The following SCRIB variants were observed in gnomAD, a reference collection of about 807,000 sequenced individuals.
SCRIB encodes protein scribble homolog.
In SCRIB, 72 loss-of-function variants were observed where a neutral mutation model predicts 170.0. That is an observed-to-expected ratio of 0.42 (90% CI 0.35 to 0.52). The LOEUF is 0.52. SCRIB is among the 20% of genes least tolerant of loss of function. The pLI, the probability that SCRIB is intolerant of heterozygous loss-of-function variation, is 0.02. For synonymous variants in SCRIB, 1,298 were observed against 1,044.3 expected, an observed-to-expected ratio of 1.24 and a Z score of -4.68; for missense variants, 2,475 against 2,338.5, an observed-to-expected ratio of 1.06 and a Z score of -1.20.
At chr8:143,805,653 C>T (rs1363471938) in intron 18 of SCRIB, among the ~76,000 whole-genome samples, 2 of 152,202 alleles carry the variant, frequency 1.3e-5, no homozygotes, top group African/African-American at 2.4e-5. Flanking sequence ...GTGTGGGAAG[C>T]CCTAGGGCCA....
intron 9 of SCRIB, among the ~76,000 whole-genome samples, 161 bp downstream of exon 9, chr8:143,812,105 C>T (rs566354958): frequency 1.8e-4 from 27 of 152,290 alleles, no homozygotes; most frequent in South Asian, 6.2e-4. Flanking sequence ...GCCTCACCTC[C>T]GGCCAGCATG....
chr8:143,795,588 G>C, intron 24 of SCRIB, 58 bp from the exon 25 acceptor site: 1 of 1,394,872 alleles, frequency 7.2e-7, no homozygotes, highest in Non-Finnish European at 1.0e-6. Flanking sequence ...CCCACCTCTG[G>C]GGCAGGCTGG....
At chr8:143,812,176 AC>A (rs923836034) in intron 9 of SCRIB, 89 bp downstream of exon 9, 23 of 872,012 alleles carry the variant, frequency 2.6e-5, no homozygotes, top group African/African-American at 2.0e-4. Flanking sequence ...TGCCACCAGC[AC>A]CCCCCAGCAG....
In SCRIB at chr8:143,815,578, C is replaced by A. The variant is rs944316801; in HGVS notation, c.-206G>T. 4.1e-6 allele frequency: 4 copies of A among 981,492 alleles called. No homozygotes were observed. Among genetic ancestry groups the A allele is most frequent in the African/African-American group, 1.8e-5 (1 of 56,704 alleles). The allele number at this position is 981,492 out of a possible 1,614,324, so 60.8% of individuals were successfully genotyped here. On this transcript the variant is annotated 5_prime_UTR_variant, in exon 1 of 37. Coordinates refer to ENST00000356994, the MANE Select transcript of SCRIB (RefSeq NM_182706.5). Reference sequence around the variant, plus strand: ...TCGGACTGCGGGCCTGGGCAGGGGGCGCGGCCCGGCGGGTCTCAGACTCTT... The same window carrying A: ...TCGGACTGCGGGCCTGGGCAGGGGGAGCGGCCCGGCGGGTCTCAGACTCTT...
At position 143,810,716 on chromosome 8, in the gene SCRIB, C is replaced by G; in HGVS notation, c.1374G>C (p.Glu458Asp). 2 of 1,606,850 alleles carry G rather than the reference C, an allele frequency of 1.2e-6. No homozygotes were observed. The highest frequency in any genetic ancestry group is 1.1e-5 in the South Asian group (1 of 90,814). ...TCTCAGCTGCAGCTTCCTCAGCGTC[C>G]TCATCACCTATGGGGGCCTCCAGGA... ...IQFLEAPIGDEDAEEAAAEKR... is the reference protein window; with the variant it reads ...IQFLEAPIGDDDAEEAAAEKR... The change falls in exon 12 of 37, where the codon GAG (glutamate) becomes GAC (aspartate). Residue 458 changes from glutamate (E) to aspartate (D), a missense_variant. Glu to Asp is a conservative substitution (Grantham distance 45). Around this residue, in one of 3 missense-constraint regions of SCRIB, gnomAD observed 1,966 missense variants for 1,742.9 expected, o/e 1.13. Coordinates refer to ENST00000356994, the MANE Select transcript of SCRIB (RefSeq NM_182706.5).
chr8:143,803,560 C>T lies in SCRIB; in HGVS notation c.3426G>A (p.Thr1142=), dbSNP rs782309851. The T allele has an allele frequency of 1.2e-4, 165 of 1,358,296 alleles. No homozygotes were observed. The highest frequency in any genetic ancestry group is 4.2e-4 in the East Asian group (9 of 21,636). 84.1% of individuals were successfully genotyped at this position (1,358,296 alleles called of 1,614,324 possible). Residue 1142 remains threonine, a synonymous_variant, in exon 24 of 37, where the codon ACG becomes ACA. Transcript: ENST00000356994. ...GCCGACCGTCGCGCCCGGCTGCCCCCGTGGGGCTCACCTGTGGGGAGACGT... is the reference window on the plus strand; with the variant it reads ...GCCGACCGTCGCGCCCGGCTGCCCCTGTGGGGCTCACCTGTGGGGAGACGT... ...EGIFISKVSP[T]GAAGRDGRLR...
chr8:143,808,687 T>TTCC lies in SCRIB; in HGVS notation c.2034_2036dup (p.Glu679dup), dbSNP rs761421987. The stretch of plus-strand genomic sequence containing the variant: ...TGGCCTCTTCCTCTTCAGCCCTGTT[T>TTCC]TCCTCCTCCTCCTCTTCCTCCTCCT... On this transcript the variant is annotated inframe_insertion, in exon 15 of 37. Transcript: ENST00000356994. 8.4e-6 allele frequency: 13 copies of TTCC among 1,545,230 alleles called. No individual in the cohort carries two copies. Among genetic ancestry groups the TTCC allele is most frequent in the East Asian group, 4.5e-5 (2 of 44,396 alleles).
At chr8:143,805,530 A>G in intron 18 of SCRIB, 95 bp from the exon 19 acceptor site, 3 of 1,260,184 alleles carry the variant, frequency 2.4e-6, no homozygotes, top group Non-Finnish European at 3.2e-6. Flanking sequence ...GGATGGGGAG[A>G]CTGAGGCACA....
Position 143,794,013 on chromosome 8 carries a change from C to G in SCRIB, c.3847-51G>C, listed in dbSNP as rs371445412. 122 of 1,572,008 alleles carry G rather than the reference C, an allele frequency of 7.8e-5. No individual in the cohort carries two copies. In the African/African-American group the frequency reaches 1.5e-3, roughly 20 times the overall value. Reference sequence around the variant, plus strand: ...TGAGGATGGGCAGGGCTGTGGCCCCCGACCAGGAGGGACTGGGGGCCCTGG... The same window carrying G: ...TGAGGATGGGCAGGGCTGTGGCCCCGGACCAGGAGGGACTGGGGGCCCTGG... On this transcript the variant is annotated intron_variant, in intron 27 of 36. Transcript: ENST00000356994.
At chr8:143,793,995 G>A (rs782476332) in intron 27 of SCRIB, 33 bp from the exon 28 acceptor site, 1 of 1,604,106 alleles carries the variant, frequency 6.2e-7, no homozygotes, top group Non-Finnish European at 8.5e-7. Flanking sequence ...GGGTGAGGAT[G>A]GGCAGGGCTG....
intron 24 of SCRIB, among the ~76,000 whole-genome samples, chr8:143,796,660 G>A (rs977888088): frequency 3.3e-5 from 5 of 152,198 alleles, no homozygotes; most frequent in Non-Finnish European, 7.3e-5. Flanking sequence ...CGCGAGTGTC[G>A]TAAAAGCACA....
At chr8:143,807,688 C>T (rs1158671460) in intron 15 of SCRIB, 74 bp from the exon 16 acceptor site, 24 of 1,184,058 alleles carry the variant, frequency 2.0e-5, no homozygotes, top group African/African-American at 1.5e-4. Flanking sequence ...ACCCAGCCCC[C>T]GCCACAAGCA....
intron 6 of SCRIB, 33 bp from the exon 7 acceptor site, chr8:143,813,137 G>T: frequency 6.4e-7 from 1 of 1,573,424 alleles, no homozygotes; most frequent in East Asian, 2.3e-5. Flanking sequence ...TAGTGACTAT[G>T]AGGCAAAGCC....
intron 14 of SCRIB, 57 bp downstream of exon 14, chr8:143,809,494 G>A (rs1815603617): frequency 2.6e-6 from 4 of 1,564,250 alleles, no homozygotes; most frequent in East Asian, 4.5e-5. Context: ...GCCCCGCAGG[G>A]GAGGCAGCCC....
chr8:143,795,883 G>A (rs765160483), intron 24 of SCRIB, among the ~76,000 whole-genome samples: 24 of 152,186 alleles, frequency 1.6e-4, no homozygotes, highest in Non-Finnish European at 2.8e-4. Context: ...AAGGAGGGGC[G>A]TGAGTAGCAG....
rs1439199185 is a variant in SCRIB, at chr8:143,815,225, C to T, written c.148G>A (p.Glu50Lys). 4 of 1,586,742 alleles carry T rather than the reference C, an allele frequency of 2.5e-6. No individual in the cohort carries two copies. Among genetic ancestry groups the T allele is most frequent in the Non-Finnish European group, 3.4e-6 (4 of 1,172,442 alleles). The change falls in exon 1 of 37, where the codon GAG (glutamate) becomes AAG (lysine). Residue 50 changes from glutamate (E) to lysine (K), a missense_variant. Glu to Lys is a moderately conservative substitution (Grantham distance 56). Coordinates refer to ENST00000356994, the MANE Select transcript of SCRIB (RefSeq NM_182706.5). ...GGGCGGCCGCTCACCTTGGGCAGCT[C>T]GCGCAGCTGGTTGGCGTCGAGCAGC... ...ELLLDANQLR[E>K]LPKPFFRLLN...
At position 143,808,612 on chromosome 8, in the gene SCRIB, G is replaced by A; in HGVS notation, c.2112C>T (p.Val704=). Residue 704 remains valine, a synonymous_variant, in exon 15 of 37, where the codon GTC becomes GTT. Transcript: ENST00000356994. ...KEGAVVSAPS[V]KGVSFDQANN... The stretch of plus-strand genomic sequence containing the variant: ...CAGGGGTGAGGCTGACACCAACCTT[G>A]ACAGAGGGCGCAGAAACCACGGCCC... 3.3e-6 allele frequency: 5 copies of A among 1,510,258 alleles called. No individual in the cohort carries two copies. Among genetic ancestry groups the A allele is most frequent in the Non-Finnish European group, 4.4e-6 (5 of 1,130,512 alleles). The allele number at this position is 1,510,258 out of a possible 1,614,324, so 93.6% of individuals were successfully genotyped here. A position where few individuals can be genotyped will look rare whatever the true frequency, so the allele number is the denominator to read the frequency against.
In SCRIB at chr8:143,813,981, C is replaced by T; in HGVS notation, c.277+20G>A. The stretch of plus-strand genomic sequence containing the variant: ...CGGACACTCCCCAGACCCCACCCAG[C>T]CCCTGCCCAGGCTCCCCACCGTTCC... On this transcript the variant is annotated intron_variant, in intron 2 of 36. Coordinates refer to ENST00000356994, the MANE Select transcript of SCRIB (RefSeq NM_182706.5). The T allele has an allele frequency of 1.3e-6, 2 of 1,574,624 alleles. No homozygotes were observed. The highest frequency in any genetic ancestry group is 1.7e-6 in the Non-Finnish European group (2 of 1,158,092).
chr8:143,792,231 C>A lies in SCRIB; in HGVS notation c.4503G>T (p.Trp1501Cys). Residue 1501 changes from tryptophan (W) to cysteine (C), a missense_variant, in exon 32 of 37, where the codon TGG (tryptophan) becomes TGT (cysteine). Around this residue, in one of 3 missense-constraint regions of SCRIB, gnomAD observed 1,966 missense variants for 1,742.9 expected, o/e 1.13. Coordinates refer to ENST00000356994, the MANE Select transcript of SCRIB (RefSeq NM_182706.5). ...ACACAGGGGCTCACCTGGCTGCCCTCCACAGCGCACGCTTCTCGGCCTCCA... is the reference window on the plus strand; with the variant it reads ...ACACAGGGGCTCACCTGGCTGCCCTACACAGCGCACGCTTCTCGGCCTCCA... Reference protein sequence around the residue: ...RALEAEKRALWRAARMKSLEQ... With the variant: ...RALEAEKRALCRAARMKSLEQ... The A allele has an allele frequency of 6.4e-7, 1 of 1,565,096 alleles. No homozygotes were observed.
Sources: allele counts gnomAD v4.1 joint callset (sites outside exome capture counted in the v4.1 genomes callset), GRCh38; gene constraint gnomAD v4.1.1; regional missense constraint gnomAD v4.1.1; transcripts MANE v1.5; gene names NCBI Gene and HGNC (gene_info 2026-07-23, HGNC 2026-07-21).